Variants in SYT16 observed in about 807,000 individuals in gnomAD.
The protein encoded by SYT16 is synaptotagmin-16.
In SYT16, 42 loss-of-function variants were observed where a neutral mutation model predicts 61.4. The observed-to-expected ratio is 0.68, with a 90% confidence interval of 0.53 to 0.89. The LOEUF is 0.89. Among genes scored for constraint, SYT16 ranks in the 40% least tolerant of loss-of-function variants. SYT16 has a pLI of 0.00. For synonymous variants in SYT16, 314 were observed against 302.3 expected (o/e 1.04, Z -0.40); for missense variants, 804 against 807.3 (o/e 1.00, Z 0.05).
chr14:61,899,893 TCCCAAAA>T lies in SYT16; in HGVS notation c.-324-70238_-324-70232del, dbSNP rs1594864797. Among the ~76,000 whole-genome samples, 6 of 152,238 alleles carry T rather than the reference TCCCAAAA, an allele frequency of 3.9e-5. No homozygotes were observed. The East Asian group carries it at 1.2e-3, about 29-fold the overall frequency. ...CTGTGTTCAGAAGGGGGCACTCACT[TCCCAAAA>T]AGTTCCCCTTTCTTGGTGTTGATCT... On this transcript the variant is annotated intron_variant, in intron 1 of 7. Transcript: ENST00000683842.
At chr14:61,861,903 A>C (rs760568115) in intron 1 of SYT16, among the ~76,000 whole-genome samples, 1 of 152,206 alleles carries the variant, frequency 6.6e-6, no homozygotes, top group Non-Finnish European at 1.5e-5. Flanking sequence ...TACCTACCTT[A>C]ATGAAATATA....
intron 1 of SYT16, among the ~76,000 whole-genome samples, chr14:61,967,430 T>C (rs1234081903): frequency 6.6e-6 from 1 of 152,182 alleles, no homozygotes; most frequent in Admixed American, 6.5e-5. Flanking sequence ...TCTCACAGTT[T>C]TGGAGGCCAG....
intron 1 of SYT16, among the ~76,000 whole-genome samples, chr14:61,910,831 A>G (rs2048907281): frequency 6.6e-6 from 1 of 152,164 alleles, no homozygotes. Flanking sequence ...GCCCGGCCAT[A>G]TGCTGTCTTT....
At chr14:61,877,039 T>C (rs1019976168) in intron 1 of SYT16, among the ~76,000 whole-genome samples, 1 of 152,186 alleles carries the variant, frequency 6.6e-6, no homozygotes, top group Non-Finnish European at 1.5e-5. Context: ...CCTCCTACCT[T>C]TCTTCCACTC....
chr14:62,025,743 T>A (rs1043335311), intron 3 of SYT16, among the ~76,000 whole-genome samples: 1 of 152,152 alleles, frequency 6.6e-6, no homozygotes, highest in African/African-American at 2.4e-5. Flanking sequence ...GGGGTGCTAA[T>A]GTAAGTGGTA....
chr14:61,859,261 G>A (rs1227784889), intron 1 of SYT16, among the ~76,000 whole-genome samples: 1 of 152,118 alleles, frequency 6.6e-6, no homozygotes, highest in Non-Finnish European at 1.5e-5. Context: ...CGGGAACTAG[G>A]GACTAGACAT....
At chr14:61,895,086 C>A (rs1407826150) in intron 1 of SYT16, among the ~76,000 whole-genome samples, 1 of 152,022 alleles carries the variant, frequency 6.6e-6, no homozygotes, top group African/African-American at 2.4e-5. Context: ...CTAGAAACCT[C>A]ATTTTTGGAA....
rs2057415064 is a variant in SYT16, at chr14:62,101,391, CTTGTCTCCTTTTGAATATGT to C, written c.*685_*704del. On this transcript the variant is annotated 3_prime_UTR_variant, in exon 8 of 8. Coordinates refer to ENST00000683842, the MANE Select transcript of SYT16 (RefSeq NM_001367656.1). ...TTCAGAAACTACTGTTTTAAGACAACTTGTCTCCTTTTGAATATGTAAGATTTCAAACTTGTGACTTTCAA... is the reference window on the plus strand; with the variant it reads ...TTCAGAAACTACTGTTTTAAGACAACAAGATTTCAAACTTGTGACTTTCAA... The C allele has an allele frequency of 6.6e-6, 1 of 152,128 alleles. No individual in the cohort carries two copies. Among genetic ancestry groups the C allele is most frequent in the Non-Finnish European group, 1.5e-5 (1 of 68,008 alleles). 9.4% of individuals were successfully genotyped at this position (152,128 alleles called of 1,614,324 possible).
intron 1 of SYT16, among the ~76,000 whole-genome samples, chr14:61,917,172 T>G (rs1425481477): frequency 6.6e-6 from 1 of 152,164 alleles, no homozygotes; most frequent in Admixed American, 6.6e-5. Flanking sequence ...AATGAGATTC[T>G]CAGATGGGTT....
Position 62,100,578 on chromosome 14 carries a change from TAA to T in SYT16, c.1811_1812del (p.Lys604ArgfsTer82). 1 of 1,613,668 alleles carries T rather than the reference TAA, an allele frequency of 6.2e-7. No homozygotes were observed. Among genetic ancestry groups the T allele is most frequent in the Non-Finnish European group, 8.5e-7 (1 of 1,179,798 alleles). ...TTTATAACAGGCGTACTATGAAGCG[TAA>T]AGAGATGATTGGCTGGATTGCCCTG... Reference protein sequence around the residue: ...SVYNRRTMKRKEMIGWIALGQ... With the variant: ...SVYNRRTMKRXEMIGWIALGQ... On this transcript the variant is annotated frameshift_variant, in exon 8 of 8. Coordinates refer to ENST00000683842, the MANE Select transcript of SYT16 (RefSeq NM_001367656.1). LOFTEE classifies it high-confidence loss of function.
intron 3 of SYT16, among the ~76,000 whole-genome samples, chr14:62,024,051 A>T (rs995066089): frequency 1.3e-5 from 2 of 152,076 alleles, no homozygotes; most frequent in Non-Finnish European, 2.9e-5. Context: ...TATTTTCTGA[A>T]TTTTTTCCTG....
At chr14:61,903,891 A>G (rs1264738704) in intron 1 of SYT16, among the ~76,000 whole-genome samples, 3 of 152,190 alleles carry the variant, frequency 2.0e-5, no homozygotes, top group Non-Finnish European at 4.4e-5. Context: ...AGGTGTTGTA[A>G]TTGGTTTTCT....
chr14:62,016,801 A>G (rs373293156), intron 3 of SYT16, among the ~76,000 whole-genome samples: 1 of 152,168 alleles, frequency 6.6e-6, no homozygotes, highest in South Asian at 2.1e-4. Context: ...TATAACTGCT[A>G]TGATTTTATC....
chr14:62,017,060 C>T (rs78427477), intron 3 of SYT16, among the ~76,000 whole-genome samples: 6,909 of 152,226 alleles, frequency 0.045, 270 homozygotes, highest in African/African-American at 0.11. Context: ...TTGAGGAGAA[C>T]ATGCCCAAAG....
intron 3 of SYT16, among the ~76,000 whole-genome samples, chr14:62,068,558 A>G (rs563828739): frequency 3.9e-5 from 6 of 152,250 alleles, no homozygotes; most frequent in African/African-American, 1.4e-4. Flanking sequence ...GAATAAGTAG[A>G]TTTCAGCTGC....
intron 3 of SYT16, among the ~76,000 whole-genome samples, chr14:62,021,128 C>CT (rs2053893016): frequency 6.6e-6 from 1 of 152,020 alleles, no homozygotes. Flanking sequence ...TCCAAATATG[C>CT]TTTTATAGAG....
chr14:61,850,088 T>C (rs1435194427), intron 1 of SYT16, among the ~76,000 whole-genome samples: 1 of 152,118 alleles, frequency 6.6e-6, no homozygotes, highest in African/African-American at 2.4e-5. Flanking sequence ...CTGACTGGTG[T>C]AAGATGGTAT....
chr14:62,063,649 C>T (rs190468905), intron 3 of SYT16, among the ~76,000 whole-genome samples: 2 of 152,160 alleles, frequency 1.3e-5, no homozygotes, highest in African/African-American at 2.4e-5. Flanking sequence ...AAGACCCCAC[C>T]ATCCCGTCTC....
intron 1 of SYT16, among the ~76,000 whole-genome samples, chr14:61,968,015 C>G (rs151121790): frequency 6.6e-6 from 1 of 152,112 alleles, no homozygotes; most frequent in Non-Finnish European, 1.5e-5. Flanking sequence ...AATCCCAGCA[C>G]TTTGGGAGGC....
Sources: allele counts gnomAD v4.1 joint callset (sites outside exome capture counted in the v4.1 genomes callset), GRCh38; gene constraint gnomAD v4.1.1; transcripts MANE v1.5; gene names NCBI Gene and HGNC (gene_info 2026-07-23, HGNC 2026-07-21).